HTR7: variants seen among roughly 807,000 people sequenced by gnomAD.
HTR7 encodes 5-HT-7.
A neutral mutation model predicts 34.0 loss-of-function variants in HTR7; 16 were observed. The ratio of observed to expected loss-of-function variants is 0.47; its 90% CI spans 0.32 to 0.71. HTR7 has a LOEUF of 0.71. HTR7 is among the 30% of genes least tolerant of loss of function. The pLI, the probability that HTR7 is intolerant of heterozygous loss-of-function variation, is 0.04. For missense variants in HTR7, 504 were observed against 625.5 expected, an observed-to-expected ratio of 0.81 and a Z score of 2.07; for synonymous variants, 265 against 260.2, an observed-to-expected ratio of 1.02 and a Z score of -0.18.
At chr10:90,826,987 G>A (rs956227398) in intron 1 of HTR7, among the ~76,000 whole-genome samples, 2 of 151,060 alleles carry the variant, frequency 1.3e-5, no homozygotes, top group Non-Finnish European at 3.0e-5. Flanking sequence ...ATAAAATACT[G>A]GGCTATAAAT....
chr10:90,760,058 C>T (rs904048326), intron 1 of HTR7, among the ~76,000 whole-genome samples: 1 of 152,198 alleles, frequency 6.6e-6, no homozygotes, highest in African/African-American at 2.4e-5. Flanking sequence ...ACATCTGCAT[C>T]CCCACGTTTA....
At chr10:90,824,324 T>C (rs528710254) in intron 1 of HTR7, among the ~76,000 whole-genome samples, 86 of 152,338 alleles carry the variant, frequency 5.6e-4, no homozygotes, top group African/African-American at 1.9e-3. Context: ...GCAGGATTAA[T>C]AACCTCCTGA....
chr10:90,772,470 A>T (rs1309554105), intron 1 of HTR7, among the ~76,000 whole-genome samples: 21 of 152,200 alleles, frequency 1.4e-4, no homozygotes, highest in Non-Finnish European at 5.9e-5. Flanking sequence ...TTAAAAAACC[A>T]CACAAGTTCG....
At chr10:90,782,815 T>G (rs77085638) in intron 1 of HTR7, among the ~76,000 whole-genome samples, 1 of 152,150 alleles carries the variant, frequency 6.6e-6, no homozygotes, top group Non-Finnish European at 1.5e-5. Flanking sequence ...ATCCGCTTCA[T>G]TTTTGAGGTG....
At chr10:90,854,137 G>A (rs905644583) in intron 1 of HTR7, among the ~76,000 whole-genome samples, 1 of 152,230 alleles carries the variant, frequency 6.6e-6, no homozygotes, top group Non-Finnish European at 1.5e-5. Context: ...AGGCCGAGGT[G>A]GGCGGATCAG....
intron 1 of HTR7, among the ~76,000 whole-genome samples, chr10:90,822,737 C>T (rs1471692760): frequency 6.6e-6 from 1 of 152,214 alleles, no homozygotes; most frequent in Non-Finnish European, 1.5e-5. Context: ...GGCCTGGAGG[C>T]TGGGAGGGAA....
chr10:90,818,378 T>C (rs1218504145), intron 1 of HTR7, among the ~76,000 whole-genome samples: 1 of 152,120 alleles, frequency 6.6e-6, no homozygotes, highest in Non-Finnish European at 1.5e-5. Context: ...AAATCCTGTC[T>C]CTACTGAAAA....
intron 1 of HTR7, among the ~76,000 whole-genome samples, chr10:90,758,977 C>T (rs1240764247): frequency 6.6e-6 from 1 of 151,042 alleles, no homozygotes; most frequent in Non-Finnish European, 1.5e-5. Context: ...CACCTGAGGT[C>T]GGGAGTTGGA....
At chr10:90,834,453 A>T (rs572370380) in intron 1 of HTR7, among the ~76,000 whole-genome samples, 6 of 152,298 alleles carry the variant, frequency 3.9e-5, no homozygotes, top group African/African-American at 1.4e-4. Flanking sequence ...AACTACTGCA[A>T]AACCTTGCGG....
chr10:90,797,904 C>A (rs1338491026), intron 1 of HTR7, among the ~76,000 whole-genome samples: 1 of 152,180 alleles, frequency 6.6e-6, no homozygotes, highest in East Asian at 1.9e-4. Flanking sequence ...AGCCTTTCTG[C>A]TGCACCATTT....
chr10:90,785,238 T>C (rs925037025), intron 1 of HTR7, among the ~76,000 whole-genome samples: 2 of 152,098 alleles, frequency 1.3e-5, no homozygotes, highest in African/African-American at 4.8e-5. Context: ...TAAATATTGG[T>C]TGGATGAATA....
chr10:90,821,571 G>A (rs1845981613), intron 1 of HTR7, among the ~76,000 whole-genome samples: 1 of 152,204 alleles, frequency 6.6e-6, no homozygotes, highest in Admixed American at 6.5e-5. Flanking sequence ...CACAAGGACT[G>A]CAACTCCAAG....
chr10:90,808,250 C>A (rs1048326498), intron 1 of HTR7, among the ~76,000 whole-genome samples: 1 of 151,970 alleles, frequency 6.6e-6, no homozygotes. Flanking sequence ...CCCGTCTCCA[C>A]CTTTCTGGGG....
intron 1 of HTR7, among the ~76,000 whole-genome samples, chr10:90,828,913 G>T (rs561635540): frequency 5.7e-4 from 86 of 151,518 alleles, no homozygotes; most frequent in African/African-American, 2.0e-3. Flanking sequence ...AGTCTCAGGG[G>T]GTTGAAAATT....
intron 1 of HTR7, among the ~76,000 whole-genome samples, chr10:90,806,629 T>A (rs1249864983): frequency 1.3e-5 from 2 of 150,942 alleles, no homozygotes; most frequent in African/African-American, 4.9e-5. Flanking sequence ...ATTTAAAAAA[T>A]AAAAAAATAA....
At chr10:90,772,883 C>T (rs117152521) in intron 1 of HTR7, among the ~76,000 whole-genome samples, 1 of 152,150 alleles carries the variant, frequency 6.6e-6, no homozygotes, top group Admixed American at 6.6e-5. Context: ...TTATTATCAT[C>T]CCTATTTTAC....
At position 90,749,270 on chromosome 10, in the gene HTR7, G is replaced by A; in HGVS notation, c.864C>T (p.Ala288=). ...TCTGGAGCTTCACTATGCCATTCAGGGCGATGACGCTGTCTGGCTCCACTC... is the reference window on the plus strand; with the variant it reads ...TCTGGAGCTTCACTATGCCATTCAGAGCGATGACGCTGTCTGGCTCCACTC... ...FPRVEPDSVI[A]LNGIVKLQKE... Residue 288 remains alanine (A), a synonymous_variant, in exon 2 of 4, where the codon GCC becomes GCT. Transcript: ENST00000336152. The surrounding 1 kb of genome is among the most constrained non-coding windows in gnomAD (Gnocchi z 4.2). The A allele has an allele frequency of 6.2e-7, 1 of 1,614,100 alleles. No individual in the cohort carries two copies. The highest frequency in any genetic ancestry group is 8.5e-7 in the Non-Finnish European group (1 of 1,179,996).
intron 1 of HTR7, among the ~76,000 whole-genome samples, chr10:90,754,402 G>GA (rs993615855): frequency 2.5e-4 from 36 of 146,216 alleles, no homozygotes; most frequent in Admixed American, 8.1e-4. Flanking sequence ...AAGAAAAAAA[G>GA]AAAAAAAAAA....
intron 1 of HTR7, among the ~76,000 whole-genome samples, chr10:90,763,169 A>G (rs1393442989): frequency 6.6e-6 from 1 of 152,150 alleles, no homozygotes; most frequent in African/African-American, 2.4e-5. Context: ...TTTCTGTGAA[A>G]AATGCCATTG....
Sources: gnomAD v4.1 joint callset for allele counts (sites outside exome capture counted in the v4.1 genomes callset) on GRCh38, gnomAD v4.1.1 for gene constraint, Gnocchi (gnomAD v3.1) non-coding constraint, MANE v1.5 for transcripts, NCBI Gene and HGNC (gene_info 2026-07-23, HGNC 2026-07-21) for gene names.